Variants in TEP1 observed in about 807,000 individuals in gnomAD.
TEP1 encodes telomerase protein component 1.
In TEP1, 241 loss-of-function variants were observed where a neutral mutation model predicts 306.3. The observed-to-expected ratio is 0.79, with a 90% CI of 0.71 to 0.88. TEP1 has a LOEUF of 0.88. TEP1 is among the 40% of genes least tolerant of loss of function. The pLI is 0.00. For synonymous variants in TEP1, 1,289 were observed against 1,305.5 expected (o/e 0.99, Z 0.27); for missense variants, 3,051 against 3,276.1 (o/e 0.93, Z 1.68).
chr14:20,374,377 C>A, intron 44 of TEP1, 52 bp downstream of exon 44: 1 of 1,351,076 alleles, frequency 7.4e-7, no homozygotes, highest in Non-Finnish European at 1.0e-6. Flanking sequence ...TCTCCCAAAG[C>A]CCCCTTAGCC....
At chr14:20,387,503 G>C (rs1244028721) in intron 18 of TEP1, among the ~76,000 whole-genome samples, 1 of 145,774 alleles carries the variant, frequency 6.9e-6, no homozygotes, top group Non-Finnish European at 1.5e-5. Flanking sequence ...AGTGAGCCGA[G>C]ATCACGCCAC....
rs1884916833 is a variant in TEP1 at position 20,372,677 on chromosome 14, T to C, written c.7076+56A>G. 1.9e-6 allele frequency: 3 copies of C among 1,611,094 alleles called. No homozygotes were observed. In the East Asian group the frequency reaches 6.7e-5, roughly 36 times the overall value. On this transcript the variant is annotated intron_variant, in intron 49 of 54. Transcript: ENST00000262715. Reference sequence around the variant, plus strand: ...CAGAAGTGCAGTAATTTGGGTAAAATGCCAGGAGTGAGGAGACTGCTGTTT... The same window carrying C: ...CAGAAGTGCAGTAATTTGGGTAAAACGCCAGGAGTGAGGAGACTGCTGTTT...
At position 20,369,409 on chromosome 14, in the gene TEP1, T is replaced by C. The variant is rs747419423; in HGVS notation, c.7591A>G (p.Met2531Val). 6 of 1,614,224 alleles carry C rather than the reference T, an allele frequency of 3.7e-6. No individual in the cohort carries two copies. Among genetic ancestry groups the C allele is most frequent in the Non-Finnish European group, 5.1e-6 (6 of 1,180,032 alleles). Reference sequence around the variant, plus strand: ...CTATCCATGCTGGCATCACTATCCATGCTGGCATCAGATTCCCTGCAGGTA... The same window carrying C: ...CTATCCATGCTGGCATCACTATCCACGCTGGCATCAGATTCCCTGCAGGTA... ...PSTCRESDAS[M>V]DSDASMDSEP... The change falls in exon 53 of 55, where the codon ATG becomes GTG. Residue 2531 changes from methionine (M) to valine (V), a missense_variant. Transcript: ENST00000262715.
chr14:20,368,760 GCACGCACA>G, intron 54 of TEP1, 30 bp downstream of exon 54: 2 of 1,303,576 alleles, frequency 1.5e-6, no homozygotes, highest in Non-Finnish European at 2.1e-6. Flanking sequence ...GTGTGCAGGC[GCACGCACA>G]CACACACACA....
chr14:20,371,253 G>C lies in TEP1; in HGVS notation c.7282C>G (p.Leu2428Val). ...AGAACTCCAGGATCCTTGGGCTGCAGGACAAATATGCCATACTCCTTGTGG... is the reference window on the plus strand; with the variant it reads ...AGAACTCCAGGATCCTTGGGCTGCACGACAAATATGCCATACTCCTTGTGG... ...STHKEYGIFV[L>V]QPKDPGVLSF... Residue 2428 changes from leucine (L) to valine (V), a missense_variant, in exon 51 of 55, where the codon CTG (leucine) becomes GTG (valine). Leu to Val is a conservative substitution (Grantham distance 32). Transcript: ENST00000262715. 1 of 1,614,168 alleles carries C rather than the reference G, an allele frequency of 6.2e-7. No individual in the cohort carries two copies. Among genetic ancestry groups the C allele is most frequent in the East Asian group, 2.2e-5 (1 of 44,888 alleles).
In TEP1 at chr14:20,383,937, G is replaced by A; in HGVS notation, c.3535-19C>T. 1 of 1,594,330 alleles carries A rather than the reference G, an allele frequency of 6.3e-7. No individual in the cohort carries two copies. The highest frequency in any genetic ancestry group is 8.5e-7 in the Non-Finnish European group (1 of 1,175,190). ...GAGATGCCTGCATGGGACAGGAACA[G>A]AAAACATGGTCACATTTTACATGCC... On this transcript the variant is annotated intron_variant, in intron 24 of 54. Transcript: ENST00000262715.
chr14:20,408,919 C>A (rs1007904868), intron 1 of TEP1, among the ~76,000 whole-genome samples: 28 of 152,084 alleles, frequency 1.8e-4, no homozygotes, highest in Admixed American at 1.6e-3. Flanking sequence ...CCCCCCTGAC[C>A]CCCGCTGCAG....
rs761740469 is a variant in TEP1 at position 20,383,356 on chromosome 14, G to A, written c.3868-3C>T. On this transcript the variant is annotated splice_region_variant and splice_polypyrimidine_tract_variant and intron_variant, in intron 26 of 54. Transcript: ENST00000262715. ...ACACTCAGCACCAGGTGTACACACT[G>A]TGATATTTGGGCAAAGGGGCAGGAA... 1 of 1,603,366 alleles carries A rather than the reference G, an allele frequency of 6.2e-7. No individual in the cohort carries two copies. The highest frequency in any genetic ancestry group is 1.3e-5 in the African/African-American group (1 of 74,698).
At chr14:20,395,694 T>C (rs1878142168) in intron 11 of TEP1, 67 bp from the exon 12 acceptor site, 1 of 1,555,968 alleles carries the variant, frequency 6.4e-7, no homozygotes, top group Non-Finnish European at 8.8e-7. Context: ...CTACCAGTAA[T>C]GTGACCTGAG....
chr14:20,383,783 C>A lies in TEP1; in HGVS notation c.3670G>T (p.Gly1224Cys). 1 of 1,611,402 alleles carries A rather than the reference C, an allele frequency of 6.2e-7. No homozygotes were observed. The highest frequency in any genetic ancestry group is 1.7e-5 in the Admixed American group (1 of 59,618). ...LLRRLCTYLR[G>C]QLKEPGALPS... ...AGGGCACCTGGCTCTTTTAGTTGGC[C>A]ACGCAGATAGGTACAGAGGCGTCTG... Residue 1224 changes from glycine (G) to cysteine (C), a missense_variant, in exon 25 of 55, where the codon GGC becomes TGC. Gly to Cys is a radical substitution (Grantham distance 159). This residue lies in a region of TEP1 where 1,507 missense variants were observed against 1,550.5 expected (regional missense o/e 0.97). Transcript: ENST00000262715.
At chr14:20,383,414 GCCTCTC>G in intron 26 of TEP1, 61 bp from the exon 27 acceptor site, 6 of 1,606,464 alleles carry the variant, frequency 3.7e-6, no homozygotes, top group Admixed American at 1.7e-5. Flanking sequence ...CATTGGAGAG[GCCTCTC>G]TCCTCCGTGC....
chr14:20,380,819 A>T, intron 33 of TEP1, 112 bp downstream of exon 33: 1 of 921,798 alleles, frequency 1.1e-6, no homozygotes, highest in Non-Finnish European at 1.7e-6. Flanking sequence ...TGGAAATTTG[A>T]ATCTTTTTTC....
At chr14:20,398,895 G>C (rs879261004) in intron 9 of TEP1, among the ~76,000 whole-genome samples, 3 of 151,972 alleles carry the variant, frequency 2.0e-5, no homozygotes, top group Non-Finnish European at 4.4e-5. Context: ...GGATTCTCCA[G>C]TCATCATTCT....
chr14:20,371,674 A>T, intron 49 of TEP1, 42 bp from the exon 50 acceptor site: 1 of 1,524,326 alleles, frequency 6.6e-7, no homozygotes, highest in Non-Finnish European at 8.7e-7. Context: ...ATCCTATTTT[A>T]GTTAACCTTT....
At position 20,382,711 on chromosome 14, in the gene TEP1, C is replaced by G. The variant is rs12886088; in HGVS notation, c.4052G>C (p.Arg1351Pro). 6.2e-7 allele frequency: 1 copy of G among 1,614,012 alleles called. No homozygotes were observed. The highest frequency in any genetic ancestry group is 1.1e-5 in the South Asian group (1 of 91,056). Residue 1351 changes from arginine to proline, a missense_variant, in exon 28 of 55, where the codon CGA becomes CCA. Coordinates refer to ENST00000262715, the MANE Select transcript of TEP1 (RefSeq NM_007110.5). ...TGATTCCCGCTTCACCAGCAGCAGT[C>G]GCATCTGGCAAGACTCAGGACTCAG... ...LEESPFNNQM[R>P]LLLVKRESGR...
At chr14:20,380,583 C>G in intron 33 of TEP1, 108 bp from the exon 34 acceptor site, 2 of 1,444,760 alleles carry the variant, frequency 1.4e-6, no homozygotes, top group South Asian at 2.9e-5. Context: ...CAAAGTGTGG[C>G]CCTCTGGCCC....
chr14:20,374,105 A>C (rs1200171775), intron 44 of TEP1, among the ~76,000 whole-genome samples: 38 of 147,410 alleles, frequency 2.6e-4, no homozygotes, highest in African/African-American at 9.1e-4. Flanking sequence ...TTTTTTTTTT[A>C]AAGATAGGGT....
Position 20,377,756 on chromosome 14 carries a change from G to A in TEP1, c.5722-3C>T. On this transcript the variant is annotated splice_region_variant and splice_polypyrimidine_tract_variant and intron_variant, in intron 39 of 54. Coordinates refer to ENST00000262715, the MANE Select transcript of TEP1 (RefSeq NM_007110.5). ...AGAGACCCTGACCACACCTGAACCT[G>A]GGAACCAAGAAAAGGGCTTAAGGAT... 6.2e-7 allele frequency: 1 copy of A among 1,613,064 alleles called. No individual in the cohort carries two copies. The highest frequency in any genetic ancestry group is 8.5e-7 in the Non-Finnish European group (1 of 1,179,818).
At position 20,384,121 on chromosome 14, in the gene TEP1, C is replaced by T. The variant is rs1876882519; in HGVS notation, c.3451G>A (p.Asp1151Asn). Reference protein sequence around the residue: ...PSPARPRLLQDTVQRLMLPHG... With the variant: ...PSPARPRLLQNTVQRLMLPHG... ...GGCAGCATCAGCCGTTGCACTGTGT[C>T]CTGAAGAAGGCGTGGCCGGGCAGGA... The change falls in exon 24 of 55, where the codon GAC becomes AAC. Residue 1151 changes from aspartate to asparagine, a missense_variant. By Grantham distance (23) the Asp-to-Asn change is conservative. Transcript: ENST00000262715. 6.2e-7 allele frequency: 1 copy of T among 1,614,116 alleles called. No individual in the cohort carries two copies.
Sources: gnomAD v4.1 joint callset for allele counts (sites outside exome capture counted in the v4.1 genomes callset) on GRCh38, gnomAD v4.1.1 for gene constraint, gnomAD v4.1.1 regional missense constraint, MANE v1.5 for transcripts, NCBI Gene and HGNC (gene_info 2026-07-23, HGNC 2026-07-21) for gene names.